MTSS1: variants seen among roughly 807,000 people sequenced by gnomAD.
MTSS1 encodes the protein protein MTSS 1.
A neutral mutation model predicts 79.0 loss-of-function variants in MTSS1; 18 were observed. That is an observed-to-expected ratio of 0.23 (90% CI 0.16 to 0.34). MTSS1 has a LOEUF of 0.34. MTSS1 is among the 10% of genes least tolerant of loss of function. MTSS1 has a pLI of 1.00. For synonymous variants in MTSS1, 341 were observed against 368.6 expected (o/e 0.93, Z 0.86); for missense variants, 815 against 986.2 (o/e 0.83, Z 2.33).
chr8:124,689,131 T>C (rs1827511781), intron 3 of MTSS1, among the ~76,000 whole-genome samples: 1 of 152,164 alleles, frequency 6.6e-6, no homozygotes, highest in Non-Finnish European at 1.5e-5. Flanking sequence ...TAACTATTCC[T>C]TGAGTTATTT....
intron 10 of MTSS1, chr8:124,558,633 G>A (rs1254168074): frequency 8.4e-6 from 12 of 1,430,820 alleles, no homozygotes; most frequent in East Asian, 5.2e-5. Flanking sequence ...CCAGGTTGCC[G>A]CGGCTGTGAG....
intron 1 of MTSS1, among the ~76,000 whole-genome samples, chr8:124,707,729 A>C (rs1324457964): frequency 6.6e-6 from 1 of 151,318 alleles, no homozygotes; most frequent in Non-Finnish European, 1.5e-5. Context: ...AAAAAAACCT[A>C]GCTGGGTGCT....
intron 8 of MTSS1, among the ~76,000 whole-genome samples, chr8:124,566,752 T>C (rs1988734): frequency 0.68 from 103,179 of 152,056 alleles, 35,090 homozygotes; most frequent in Non-Finnish European, 0.7. Flanking sequence ...GGTTCAAATA[T>C]CAGTTCCACT....
intron 1 of MTSS1, among the ~76,000 whole-genome samples, chr8:124,710,819 C>A (rs764631765): frequency 2.0e-5 from 3 of 152,088 alleles, no homozygotes; most frequent in Non-Finnish European, 4.4e-5. Flanking sequence ...ACACAGGGGC[C>A]GGGAACTGCC....
At chr8:124,612,931 A>G (rs907963669) in intron 3 of MTSS1, among the ~76,000 whole-genome samples, 6 of 152,288 alleles carry the variant, frequency 3.9e-5, no homozygotes, top group Non-Finnish European at 7.3e-5. Flanking sequence ...TTCCGTAGGC[A>G]GGCTATCCCT....
chr8:124,722,606 T>C (rs1200205693), intron 1 of MTSS1, among the ~76,000 whole-genome samples: 1 of 152,176 alleles, frequency 6.6e-6, no homozygotes, highest in Admixed American at 6.5e-5. Context: ...TCAATTTCAT[T>C]TTCCTCTCCT....
chr8:124,608,940 C>T (rs1030601686), intron 3 of MTSS1, among the ~76,000 whole-genome samples: 5 of 152,190 alleles, frequency 3.3e-5, no homozygotes, highest in African/African-American at 1.2e-4. Flanking sequence ...CAAGGATCAC[C>T]AGGAAATTGT....
At chr8:124,675,928 C>T (rs139122868) in intron 3 of MTSS1, among the ~76,000 whole-genome samples, 186 of 152,316 alleles carry the variant, frequency 1.2e-3, no homozygotes, top group African/African-American at 4.3e-3. Flanking sequence ...TTGGTTATCA[C>T]GAATAATGTT....
intron 6 of MTSS1, among the ~76,000 whole-genome samples, chr8:124,576,923 G>A (rs752164483): frequency 2.0e-5 from 3 of 152,140 alleles, no homozygotes; most frequent in African/African-American, 7.2e-5. Context: ...AGCTCCCGGC[G>A]TGCCTCCATA....
At chr8:124,726,273 G>A (rs1833688241) in intron 1 of MTSS1, among the ~76,000 whole-genome samples, 1 of 152,176 alleles carries the variant, frequency 6.6e-6, no homozygotes, top group Non-Finnish European at 1.5e-5. Flanking sequence ...GATTCAAACA[G>A]TGAATGGGAA....
chr8:124,652,794 C>CA (rs773654376), intron 3 of MTSS1, among the ~76,000 whole-genome samples: 26,282 of 73,686 alleles, frequency 0.36, 4,096 homozygotes, highest in African/African-American at 0.51. Flanking sequence ...GACTCCGTCT[C>CA]AAAAAAAAAA....
At chr8:124,665,703 A>G (rs1822929801) in intron 3 of MTSS1, among the ~76,000 whole-genome samples, 1 of 152,146 alleles carries the variant, frequency 6.6e-6, no homozygotes, top group Admixed American at 6.5e-5. Flanking sequence ...CCCCGTCTCT[A>G]CTAAAAATAC....
At chr8:124,568,108 T>C (rs1420613858) in intron 7 of MTSS1, 4 of 717,122 alleles carry the variant, frequency 5.6e-6, no homozygotes, top group Non-Finnish European at 8.5e-6. Flanking sequence ...GTGATGCTGC[T>C]GACCTGGGGA....
intron 3 of MTSS1, among the ~76,000 whole-genome samples, chr8:124,676,622 T>C (rs1825335083): frequency 6.6e-6 from 1 of 152,246 alleles, no homozygotes; most frequent in African/African-American, 2.4e-5. Context: ...TGTCACTGCT[T>C]CCAAGACAAC....
chr8:124,593,271 G>A (rs1436400453), intron 3 of MTSS1, among the ~76,000 whole-genome samples: 3 of 152,104 alleles, frequency 2.0e-5, no homozygotes, highest in Non-Finnish European at 2.9e-5. Context: ...TTAATAACCC[G>A]GCCACACAAG....
At chr8:124,679,328 G>C (rs1452811350) in intron 3 of MTSS1, among the ~76,000 whole-genome samples, 1 of 152,202 alleles carries the variant, frequency 6.6e-6, no homozygotes, top group Non-Finnish European at 1.5e-5. Context: ...CAAGGGTCTT[G>C]TGTTATCACC....
intron 3 of MTSS1, among the ~76,000 whole-genome samples, chr8:124,691,305 A>G (rs1160110887): frequency 6.6e-6 from 1 of 152,212 alleles, no homozygotes; most frequent in Non-Finnish European, 1.5e-5. Flanking sequence ...GGAGCTGGAA[A>G]ATTTATCTTG....
chr8:124,575,349 C>T (rs1396924337), intron 6 of MTSS1, among the ~76,000 whole-genome samples: 1 of 152,228 alleles, frequency 6.6e-6, no homozygotes, highest in Non-Finnish European at 1.5e-5. Flanking sequence ...TACTGTGCCC[C>T]AGTTTCCCTT....
chr8:124,552,517 T>A lies in MTSS1; in HGVS notation c.*475A>T, dbSNP rs1375646317. The A allele has an allele frequency of 6.1e-6, 1 of 162,672 alleles. No homozygotes were observed. Among genetic ancestry groups the A allele is most frequent in the Non-Finnish European group, 1.4e-5 (1 of 73,350 alleles). 10.1% of individuals were successfully genotyped at this position (162,672 alleles called of 1,614,324 possible). A position where few individuals can be genotyped will look rare whatever the true frequency, so the allele number is the denominator to read the frequency against. On this transcript the variant is annotated 3_prime_UTR_variant, in exon 14 of 14. Transcript: ENST00000518547. ...ATATTTAAATGAAGATTTTACCTCT[T>A]ACCCATTTAGTTTGTACATTAAAAT...
Sources: gnomAD v4.1 joint callset for allele counts (sites outside exome capture counted in the v4.1 genomes callset) on GRCh38, gnomAD v4.1.1 for gene constraint, MANE v1.5 for transcripts, NCBI Gene and HGNC (gene_info 2026-07-23, HGNC 2026-07-21) for gene names.